Variants in HMGB1 observed in about 807,000 individuals in gnomAD.
HMGB1 encodes high mobility group box 1.
For missense variants in HMGB1, 79 were observed against 253.5 expected (o/e 0.31, Z 4.67); for synonymous variants, 81 against 84.0 (o/e 0.96, Z 0.19).
upstream of HMGB1, chr13:30,465,946 C>G: frequency 1.0e-6 from 1 of 986,150 alleles, no homozygotes; most frequent in Non-Finnish European, 1.2e-6. Context: ...TACTCTCCAG[C>G]CAGCGCGGCT....
At chr13:30,466,256 G>A (rs761034110), upstream of HMGB1, among the ~76,000 whole-genome samples, 1 of 151,812 alleles carries the variant, frequency 6.6e-6, no homozygotes, top group Non-Finnish European at 1.5e-5. Context: ...TTTTCCACAA[G>A]TGTCTCCAAC....
intron 1 of HMGB1, among the ~76,000 whole-genome samples, chr13:30,490,546 G>A (rs892290029): frequency 6.6e-6 from 1 of 151,260 alleles, no homozygotes; most frequent in African/African-American, 2.4e-5. Context: ...TTGAGCCTGG[G>A]AGGCAGAGGT....
intron 1 of HMGB1, among the ~76,000 whole-genome samples, chr13:30,573,783 AG>A (rs2137536117): frequency 6.6e-6 from 1 of 151,914 alleles, no homozygotes; most frequent in African/African-American, 2.4e-5. Flanking sequence ...CCCAAGTAGC[AG>A]GGACTACAGG....
intron 1 of HMGB1, among the ~76,000 whole-genome samples, chr13:30,509,094 T>C (rs1459019310): frequency 6.6e-6 from 1 of 152,082 alleles, no homozygotes; most frequent in African/African-American, 2.4e-5. Context: ...CACCATGCCC[T>C]GCTAATTAAA....
intron 1 of HMGB1, among the ~76,000 whole-genome samples, chr13:30,613,515 T>C (rs1480556814): frequency 6.6e-6 from 1 of 152,272 alleles, no homozygotes; most frequent in Non-Finnish European, 1.5e-5. Context: ...GCTGTTTTCA[T>C]ATGCTGCTCA....
rs117302314 is a variant in HMGB1, at chr13:30,604,327, C to G, written c.-15+12344G>C. 5.4e-3 allele frequency among the ~76,000 whole-genome samples: 819 copies of G among 152,160 alleles called. 6 individuals are homozygous for G. The highest frequency in any genetic ancestry group is 0.041 in the Middle Eastern group (12 of 294). On this transcript the variant is annotated intron_variant, in intron 1 of 4. Coordinates refer to the HMGB1 transcript ENST00000405805. ...GCTAGATGGAGAATAAGCTGCATGG[C>G]GGTGAGAGGAAGCAGAAACAATAGG...
chr13:30,527,178 A>G (rs1230269303), intron 1 of HMGB1, among the ~76,000 whole-genome samples: 1 of 152,256 alleles, frequency 6.6e-6, no homozygotes, highest in Non-Finnish European at 1.5e-5. Context: ...AAAGCTGAGA[A>G]GGAGCAGTGA....
In HMGB1 at chr13:30,461,522, T is replaced by C. The variant is rs370441433; in HGVS notation, c.483A>G (p.Ala161=). Residue 161 remains alanine, a synonymous_variant, in exon 5 of 5, where the codon GCA becomes GCG. Transcript: ENST00000341423. ...CATCAGGCTTTCCTTTAGCTCGATA[T>C]GCAGCAATATCCTTCCAAAGCAAAG... The part of the protein sequence containing the change: ...LKEKYEKDIA[A]YRAKGKPDAA... 2.5e-6 allele frequency: 4 copies of C among 1,577,280 alleles called. No individual in the cohort carries two copies. Among genetic ancestry groups the C allele is most frequent in the Non-Finnish European group, 3.5e-6 (4 of 1,158,984 alleles).
intron 1 of HMGB1, among the ~76,000 whole-genome samples, chr13:30,610,643 C>T (rs1454453415): frequency 6.6e-6 from 1 of 151,800 alleles, no homozygotes; most frequent in African/African-American, 2.4e-5. Flanking sequence ...AACTGAGCCT[C>T]AGGGAGGTTA....
chr13:30,468,996 C>A (rs1407073343), upstream of HMGB1, among the ~76,000 whole-genome samples: 2 of 152,056 alleles, frequency 1.3e-5, no homozygotes, highest in African/African-American at 4.8e-5. Flanking sequence ...CGGGTTCAAG[C>A]AATTCTCGTG....
At chr13:30,465,957 C>G (rs1244049926), upstream of HMGB1, 4 of 986,004 alleles carry the variant, frequency 4.1e-6, no homozygotes, top group Non-Finnish European at 4.8e-6. Flanking sequence ...CAGCGCGGCT[C>G]CTATTGGCTA....
chr13:30,591,558 T>TG (rs1480658304), intron 1 of HMGB1, among the ~76,000 whole-genome samples: 4 of 151,756 alleles, frequency 2.6e-5, no homozygotes, highest in Non-Finnish European at 5.9e-5. Flanking sequence ...TCAGCCAGGC[T>TG]GGAGTGCAGT....
At chr13:30,531,297 TA>T in intron 1 of HMGB1, among the ~76,000 whole-genome samples, 1 of 152,222 alleles carries the variant, frequency 6.6e-6, no homozygotes. Flanking sequence ...GCCTGCTGAT[TA>T]AAGCTAATGA....
chr13:30,548,610 C>T lies in HMGB1; in HGVS notation c.-15+68061G>A, dbSNP rs115775140. 5.4e-3 allele frequency among the ~76,000 whole-genome samples: 818 copies of T among 152,234 alleles called. 4 individuals are homozygous for T. The highest frequency in any genetic ancestry group is 0.019 in the African/African-American group (778 of 41,550). Reference sequence around the variant, plus strand: ...CATTGTTACAAAATAAAAGAGTATGCGGTTTGCAAAATTCTTATGATGGGA... The same window carrying T: ...CATTGTTACAAAATAAAAGAGTATGTGGTTTGCAAAATTCTTATGATGGGA... On this transcript the variant is annotated intron_variant, in intron 1 of 4. Coordinates refer to the HMGB1 transcript ENST00000405805.
chr13:30,462,748 C>CA (rs1565994162), intron 3 of HMGB1, 36 bp from the exon 4 acceptor site: 2 of 1,560,064 alleles, frequency 1.3e-6, no homozygotes, highest in South Asian at 1.1e-5. Flanking sequence ...TTTAAGTTAA[C>CA]AGATCACAAA....
chr13:30,549,181 C>CA (rs1331936099), intron 1 of HMGB1, among the ~76,000 whole-genome samples: 2 of 152,022 alleles, frequency 1.3e-5, no homozygotes, highest in Non-Finnish European at 2.9e-5. Context: ...CCTGTGGTCC[C>CA]AGCTACTCAG....
At chr13:30,486,536 TGG>T (rs1349389007) in intron 1 of HMGB1, among the ~76,000 whole-genome samples, 2 of 152,182 alleles carry the variant, frequency 1.3e-5, no homozygotes, top group Admixed American at 6.6e-5. Flanking sequence ...CCAGGAAGGC[TGG>T]GAGTGGAAAA....
Position 30,537,224 on chromosome 13 carries a change from T to A in HMGB1, c.-14-73530A>T, listed in dbSNP as rs147368378. 2.0e-5 allele frequency among the ~76,000 whole-genome samples: 3 copies of A among 152,284 alleles called. No homozygotes were observed. The East Asian group carries it at 5.8e-4, about 29-fold the overall frequency. On this transcript the variant is annotated intron_variant, in intron 1 of 4. Transcript: ENST00000405805. ...GAAGTCTTAAGTTATTCTGTCTTGA[T>A]CCTTTTATCTCCCCACCGTCACCCA...
chr13:30,563,088 T>G (rs1313953654), intron 1 of HMGB1, among the ~76,000 whole-genome samples: 1 of 152,202 alleles, frequency 6.6e-6, no homozygotes, highest in Non-Finnish European at 1.5e-5. Flanking sequence ...AGTTTACTAG[T>G]CTACAGCAGG....
Sources: allele counts gnomAD v4.1 joint callset (sites outside exome capture counted in the v4.1 genomes callset), GRCh38; gene constraint gnomAD v4.1.1; transcripts MANE v1.5; gene names NCBI Gene and HGNC (gene_info 2026-07-23, HGNC 2026-07-21).